MAP2: variants seen among roughly 807,000 people sequenced by gnomAD.
The protein encoded by MAP2 is microtubule associated protein 2.
A neutral mutation model predicts 137.6 loss-of-function variants in MAP2; 14 were observed. That is an observed-to-expected ratio of 0.10 (90% CI 0.07 to 0.16). The LOEUF (loss-of-function observed/expected upper bound fraction) is 0.16. Ranked by LOEUF, MAP2 falls within the 10% of genes least tolerant of loss-of-function variation. The probability of loss-of-function intolerance (pLI) is 1.00; values close to 1 mark genes in which losing one functional copy is unlikely to be tolerated. For synonymous variants in MAP2, 786 were observed against 782.3 expected (o/e 1.00, Z -0.08); for missense variants, 2,088 against 2,191.5 (o/e 0.95, Z 0.94).
At chr2:209,462,322 T>A (rs1184902205) in intron 1 of MAP2, among the ~76,000 whole-genome samples, 1 of 152,170 alleles carries the variant, frequency 6.6e-6, no homozygotes, top group Non-Finnish European at 1.5e-5. Context: ...GCTTCAGAAC[T>A]GCACTCCAGT....
At chr2:209,682,235 A>G (rs1026703292) in intron 7 of MAP2, among the ~76,000 whole-genome samples, 1 of 152,198 alleles carries the variant, frequency 6.6e-6, no homozygotes, top group Non-Finnish European at 1.5e-5. Flanking sequence ...TATAGCCGGT[A>G]ATCCCAGCAC....
chr2:209,713,529 C>T (rs2153779724), intron 13 of MAP2, among the ~76,000 whole-genome samples: 1 of 152,286 alleles, frequency 6.6e-6, no homozygotes, highest in African/African-American at 2.4e-5. Context: ...ATCATAGATT[C>T]AGTGTAGATA....
chr2:209,699,680 T>G (rs1258819580), intron 10 of MAP2, among the ~76,000 whole-genome samples: 2 of 152,182 alleles, frequency 1.3e-5, no homozygotes, highest in African/African-American at 2.4e-5. Context: ...TTTCTGTTCT[T>G]GACAAGCTAT....
chr2:209,696,455 T>G (rs2060213170), intron 8 of MAP2, 87 bp from the exon 9 acceptor site: 1 of 1,487,420 alleles, frequency 6.7e-7, no homozygotes, highest in African/African-American at 1.4e-5. Flanking sequence ...TTATTTTGTA[T>G]TTTGTTAAAT....
chr2:209,429,728 A>G (rs554361234), intron 1 of MAP2, among the ~76,000 whole-genome samples: 2 of 152,246 alleles, frequency 1.3e-5, no homozygotes, highest in Admixed American at 6.5e-5. Flanking sequence ...AGACAAAACC[A>G]TCATTTCAAT....
intron 4 of MAP2, among the ~76,000 whole-genome samples, chr2:209,651,604 A>G (rs6745900): frequency 0.017 from 2,573 of 152,262 alleles, 79 homozygotes; most frequent in African/African-American, 0.059. Flanking sequence ...TTCTTTTCAC[A>G]TAGTTAGTGA....
chr2:209,616,154 G>A (rs1226809496), intron 3 of MAP2, among the ~76,000 whole-genome samples: 1 of 152,130 alleles, frequency 6.6e-6, no homozygotes. Context: ...CCAAACAGAG[G>A]TACCAGCTAT....
chr2:209,447,227 G>C (rs1038240274), intron 1 of MAP2, among the ~76,000 whole-genome samples: 1 of 151,908 alleles, frequency 6.6e-6, no homozygotes, highest in African/African-American at 2.4e-5. Flanking sequence ...AATTGATCAT[G>C]AACTTTCTAT....
chr2:209,579,067 T>C (rs965206541), intron 2 of MAP2, among the ~76,000 whole-genome samples: 5 of 152,170 alleles, frequency 3.3e-5, no homozygotes, highest in African/African-American at 1.2e-4. Flanking sequence ...TATTTTGGAA[T>C]ATAAATAAGC....
intron 4 of MAP2, among the ~76,000 whole-genome samples, chr2:209,638,193 G>C (rs907902038): frequency 6.6e-6 from 1 of 152,038 alleles, no homozygotes; most frequent in African/African-American, 2.4e-5. Context: ...AATACAAGTA[G>C]CATGCCATGG....
chr2:209,563,021 A>G (rs967913700), intron 2 of MAP2, among the ~76,000 whole-genome samples: 4 of 152,136 alleles, frequency 2.6e-5, no homozygotes, highest in Non-Finnish European at 5.9e-5. Flanking sequence ...TATGCACATT[A>G]CTTATGTGAA....
At chr2:209,681,187 C>T (rs1481236316) in intron 7 of MAP2, among the ~76,000 whole-genome samples, 1 of 152,098 alleles carries the variant, frequency 6.6e-6, no homozygotes, top group African/African-American at 2.4e-5. Flanking sequence ...AATGTAATCT[C>T]CATAATAGTA....
At chr2:209,579,615 A>G (rs1039744467) in intron 2 of MAP2, 8 of 152,236 alleles carry the variant, frequency 5.3e-5, no homozygotes, top group Admixed American at 1.3e-4. Context: ...GCACACACAG[A>G]CACGAGCTGG....
At chr2:209,614,442 G>A (rs557126829) in intron 3 of MAP2, among the ~76,000 whole-genome samples, 130 of 152,108 alleles carry the variant, frequency 8.5e-4, no homozygotes, top group African/African-American at 2.4e-3. Flanking sequence ...TTCTTTGGTA[G>A]AATCTTAATG....
At chr2:209,584,858 G>A (rs1011564217) in intron 3 of MAP2, among the ~76,000 whole-genome samples, 1 of 152,092 alleles carries the variant, frequency 6.6e-6, no homozygotes, top group Non-Finnish European at 1.5e-5. Flanking sequence ...GGACTCAAAG[G>A]TGACTCTGAA....
Position 209,696,175 on chromosome 2 carries a change from G to A in MAP2, c.4005G>A (p.Glu1335=), listed in dbSNP as rs190220894. ...PHDEEEFEVE[E]AAEAQAEPKD... is the part of the protein sequence containing the mutation. ...ATGAAGAAGAGTTTGAAGTAGAAGA[G>A]GCAGCTGAAGCCCAGGCAGAACCCA... is the stretch of plus-strand genomic sequence containing the variant. Residue 1335 remains glutamate (E), a synonymous_variant, in exon 8 of 16, where the codon GAG becomes GAA. Coordinates refer to ENST00000682079, the MANE Select transcript of MAP2 (RefSeq NM_001375505.1). The A allele has an allele frequency of 1.2e-6, 2 of 1,612,486 alleles. No homozygotes were observed. The highest frequency in any genetic ancestry group is 4.5e-5 in the East Asian group (2 of 44,862).
At chr2:209,595,056 A>G (rs746366506) in intron 3 of MAP2, among the ~76,000 whole-genome samples, 6 of 152,312 alleles carry the variant, frequency 3.9e-5, no homozygotes, top group Admixed American at 6.5e-5. Flanking sequence ...CTAAAGAACT[A>G]GAAATTATAT....
intron 2 of MAP2, among the ~76,000 whole-genome samples, chr2:209,560,017 A>C (rs535093502): frequency 6.6e-6 from 1 of 152,350 alleles, no homozygotes; most frequent in East Asian, 1.9e-4. Context: ...ACAATGCCAA[A>C]TAGGAGCACC....
rs182276005 is a variant in MAP2 at position 209,431,138 on chromosome 2, C to T, written c.-222+6862C>T. ...TGGCAGTATGAAGCTTTGTACAATC[C>T]TGGACATTCTTACTGCCTTATTTAG... On this transcript the variant is annotated intron_variant, in intron 1 of 15. Coordinates refer to ENST00000682079, the MANE Select transcript of MAP2 (RefSeq NM_001375505.1). 2.4e-3 allele frequency among the ~76,000 whole-genome samples: 363 copies of T among 152,122 alleles called. 1 individual carries two copies. The highest frequency in any genetic ancestry group is 3.2e-3 in the Non-Finnish European group (220 of 67,974).
Sources: gnomAD v4.1 joint callset for allele counts (sites outside exome capture counted in the v4.1 genomes callset) on GRCh38, gnomAD v4.1.1 for gene constraint, MANE v1.5 for transcripts, NCBI Gene and HGNC (gene_info 2026-07-23, HGNC 2026-07-21) for gene names.